VWA3A: variants seen among roughly 807,000 people sequenced by gnomAD.
VWA3A encodes the protein von Willebrand factor A domain-containing protein 3A.
Under a neutral mutation model 160.4 loss-of-function variants are expected in VWA3A, and 134 were observed. That is an observed-to-expected ratio of 0.84 (90% CI 0.73 to 0.96). The LOEUF (loss-of-function observed/expected upper bound fraction) is 0.96. Ranked by LOEUF, VWA3A falls within the 40% of genes least tolerant of loss-of-function variation. The pLI is 0.00. For missense variants in VWA3A, 1,310 were observed against 1,447.9 expected (o/e 0.90, Z 1.55); for synonymous variants, 476 against 543.4 (o/e 0.88, Z 1.72).
chr16:22,103,998 T>A (rs574386375), intron 6 of VWA3A, among the ~76,000 whole-genome samples: 25 of 152,184 alleles, frequency 1.6e-4, no homozygotes, highest in Non-Finnish European at 2.5e-4. Context: ...GGAAAGAGAC[T>A]GGATTAGCCC....
chr16:22,150,735 T>C lies in VWA3A; in HGVS notation c.3170T>C (p.Leu1057Pro), dbSNP rs1470178186. 1.9e-6 allele frequency: 3 copies of C among 1,611,950 alleles called. No homozygotes were observed. The highest frequency in any genetic ancestry group is 2.7e-5 in the African/African-American group (2 of 74,938). ...SFHDLEGLYL[L>P]TDGKPDTSCS... ...CATGATCTGGAAGGATTGTACCTCC[T>C]GACCGACGGAAAGCCAGACACAAGC... Residue 1057 changes from leucine (L) to proline (P), a missense_variant, in exon 30 of 34, where the codon CTG becomes CCG. Coordinates refer to ENST00000389398, the MANE Select transcript of VWA3A (RefSeq NM_173615.5).
At chr16:22,117,347 T>C (rs1171054065) in intron 11 of VWA3A, among the ~76,000 whole-genome samples, 171 bp downstream of exon 11, 1 of 152,240 alleles carries the variant, frequency 6.6e-6, no homozygotes, top group Non-Finnish European at 1.5e-5. Flanking sequence ...AGAATGAATA[T>C]GTGGGAAGAC....
intron 12 of VWA3A, among the ~76,000 whole-genome samples, chr16:22,120,534 G>T (rs1161303466): frequency 1.3e-5 from 2 of 152,138 alleles, no homozygotes; most frequent in Non-Finnish European, 2.9e-5. Flanking sequence ...TGAAGTTTGG[G>T]ACTTGCTGTT....
chr16:22,115,031 T>C (rs567876229), intron 8 of VWA3A, among the ~76,000 whole-genome samples: 1 of 152,074 alleles, frequency 6.6e-6, no homozygotes, highest in African/African-American at 2.4e-5. Context: ...GGTCTTGAAT[T>C]CCTGACCTCA....
At chr16:22,103,179 A>G (rs956256327) in intron 5 of VWA3A, among the ~76,000 whole-genome samples, 1 of 152,006 alleles carries the variant, frequency 6.6e-6, no homozygotes, top group African/African-American at 2.4e-5. Flanking sequence ...GACTACAGGC[A>G]TGCACCACCA....
intron 5 of VWA3A, 73 bp downstream of exon 5, chr16:22,100,566 G>T (rs1206817975): frequency 7.0e-7 from 1 of 1,426,920 alleles, no homozygotes; most frequent in Non-Finnish European, 9.7e-7. Context: ...CGGGCATGGT[G>T]GCTTATACCT....
chr16:22,106,732 G>T (rs963742405), intron 6 of VWA3A, among the ~76,000 whole-genome samples: 1 of 152,194 alleles, frequency 6.6e-6, no homozygotes. Context: ...AAAGAATCAC[G>T]CTGGCTGCTG....
rs1567203670 is a variant in VWA3A, at chr16:22,116,781, C to G, written c.838C>G (p.Leu280Val). 1.2e-6 allele frequency: 2 copies of G among 1,613,470 alleles called. No individual in the cohort carries two copies. The highest frequency in any genetic ancestry group is 1.7e-6 in the Non-Finnish European group (2 of 1,179,870). Residue 280 changes from leucine (L) to valine (V), a missense_variant, in exon 10 of 34, where the codon CTG (leucine) becomes GTG (valine). Coordinates refer to ENST00000389398, the MANE Select transcript of VWA3A (RefSeq NM_173615.5). ...CAGCCCAGATCAGCCTTCTGAAATCCTGTCTGACTACATCCAGCAGTCCAC... is the reference window on the plus strand; with the variant it reads ...CAGCCCAGATCAGCCTTCTGAAATCGTGTCTGACTACATCCAGCAGTCCAC... Reference protein sequence around the residue: ...RSCPDQPSEILSDYIQQSTMG... With the variant: ...RSCPDQPSEIVSDYIQQSTMG...
At position 22,156,057 on chromosome 16, in the gene VWA3A, C is replaced by T. The variant is rs904999145; in HGVS notation, c.*40C>T. On this transcript the variant is annotated 3_prime_UTR_variant, in exon 34 of 34. Transcript: ENST00000389398. ...AAAAGTCATCCTGCAAAGGACCACT[C>T]ACTGAGCAAATCTCAGCCCCGAGGG... The T allele has an allele frequency of 9.8e-5, 89 of 906,676 alleles. No individual in the cohort carries two copies. The highest frequency in any genetic ancestry group is 1.4e-4 in the Non-Finnish European group (85 of 599,710). The allele number at this position is 906,676 out of a possible 1,614,324, so 56.2% of individuals were successfully genotyped here. A position where few individuals can be genotyped will look rare whatever the true frequency, so the allele number is the denominator to read the frequency against.
At chr16:22,113,928 T>G (rs1347730778) in intron 8 of VWA3A, among the ~76,000 whole-genome samples, 1 of 152,038 alleles carries the variant, frequency 6.6e-6, no homozygotes, top group Non-Finnish European at 1.5e-5. Context: ...ATACCATAAC[T>G]GAGAAGCTCA....
chr16:22,155,496 G>C (rs535608834), intron 31 of VWA3A, 71 bp from the exon 32 acceptor site: 5 of 1,369,662 alleles, frequency 3.7e-6, no homozygotes, highest in South Asian at 2.3e-5. Context: ...GCTCTAAAAT[G>C]CTTTTCCTGA....
chr16:22,111,033 T>C, intron 8 of VWA3A, 39 bp downstream of exon 8: 1 of 1,524,640 alleles, frequency 6.6e-7, no homozygotes, highest in South Asian at 1.2e-5. Context: ...GTTCACTTGT[T>C]CATTTTCCTC....
chr16:22,119,161 C>A, intron 12 of VWA3A, 134 bp downstream of exon 12: 3 of 1,279,530 alleles, frequency 2.3e-6, no homozygotes, highest in Non-Finnish European at 3.1e-6. Context: ...CAAGGCAAGG[C>A]CCACCCTCCA....
chr16:22,108,716 G>T (rs2045513986), intron 6 of VWA3A, among the ~76,000 whole-genome samples: 1 of 152,162 alleles, frequency 6.6e-6, no homozygotes, highest in Non-Finnish European at 1.5e-5. Context: ...TCAATTTCAT[G>T]TGAATGAAAG....
chr16:22,148,289 GC>G lies in VWA3A; in HGVS notation c.2968del (p.Arg990GlyfsTer38). 6.3e-7 allele frequency: 1 copy of G among 1,596,602 alleles called. No individual in the cohort carries two copies. Among genetic ancestry groups the G allele is most frequent in the East Asian group, 2.3e-5 (1 of 44,188 alleles). ...ELVLLIWEQL[R>X]KCCDSFNLLS... ...TGGTTTTGCTGATTTGGGAACAGCT[GC>G]GGAAGTGCTGTGACAGGTAGGAGGC... On this transcript the variant is annotated frameshift_variant, in exon 28 of 34. Transcript: ENST00000389398. LOFTEE classifies it high-confidence loss of function.
At chr16:22,096,543 G>C (rs188675398) in intron 1 of VWA3A, among the ~76,000 whole-genome samples, 1 of 152,032 alleles carries the variant, frequency 6.6e-6, no homozygotes, top group Non-Finnish European at 1.5e-5. Context: ...CCTAGAGTTC[G>C]AGACCATCCA....
chr16:22,145,528 A>G (rs1173245252), intron 26 of VWA3A, among the ~76,000 whole-genome samples: 1 of 151,830 alleles, frequency 6.6e-6, no homozygotes, highest in Non-Finnish European at 1.5e-5. Flanking sequence ...AATCCCAGCT[A>G]CTCAGGAGGC....
intron 6 of VWA3A, among the ~76,000 whole-genome samples, chr16:22,104,404 G>A (rs143341300): frequency 0.025 from 3,802 of 152,168 alleles, 81 homozygotes; most frequent in Middle Eastern, 0.078. Context: ...CAGGAAAATC[G>A]CTTGAACTCA....
At chr16:22,149,197 CGGGTAACCAGTCACT>C (rs1259957596) in intron 28 of VWA3A, among the ~76,000 whole-genome samples, 1 of 152,110 alleles carries the variant, frequency 6.6e-6, no homozygotes, top group African/African-American at 2.4e-5. Context: ...TGCTGAAGAT[CGGGTAACCAGTCACT>C]GGCTGAGATA....
Sources: gnomAD v4.1 joint callset for allele counts (sites outside exome capture counted in the v4.1 genomes callset) on GRCh38, gnomAD v4.1.1 for gene constraint, MANE v1.5 for transcripts, NCBI Gene and HGNC (gene_info 2026-07-23, HGNC 2026-07-21) for gene names.